The following TRDN variants were observed in gnomAD, a reference collection of about 807,000 sequenced individuals.
TRDN encodes the protein triadin in skeletal muscle.
In TRDN, 161 loss-of-function variants were observed where a neutral mutation model predicts 149.7. The ratio of observed to expected loss-of-function variants is 1.08; its 90% confidence interval spans 0.95 to 1.23. TRDN has a LOEUF of 1.23. TRDN is among the 50% of genes most tolerant of loss of function. The pLI is 0.00. For missense variants in TRDN, 896 were observed against 823.5 expected (o/e 1.09, Z -1.08); for synonymous variants, 294 against 250.5 (o/e 1.17, Z -1.64).
chr6:123,251,721 G>A (rs1225087135), intron 38 of TRDN, among the ~76,000 whole-genome samples: 1 of 151,654 alleles, frequency 6.6e-6, no homozygotes, highest in Non-Finnish European at 1.5e-5. Context: ...AGGATAAATT[G>A]TTATTTCCTT....
At chr6:123,481,568 G>T (rs985222704) in intron 9 of TRDN, among the ~76,000 whole-genome samples, 1 of 151,996 alleles carries the variant, frequency 6.6e-6, no homozygotes, top group Non-Finnish European at 1.5e-5. Context: ...AGTTGAAGAG[G>T]TTATAACCCA....
At chr6:123,317,051 C>T (rs184303813) in intron 23 of TRDN, among the ~76,000 whole-genome samples, 4 of 151,840 alleles carry the variant, frequency 2.6e-5, no homozygotes, top group East Asian at 3.9e-4. Context: ...ATCTTGTTCT[C>T]TTATTGTCCT....
At chr6:123,310,006 A>G (rs964794212) in intron 24 of TRDN, among the ~76,000 whole-genome samples, 3 of 152,036 alleles carry the variant, frequency 2.0e-5, no homozygotes, top group African/African-American at 7.2e-5. Context: ...TACATATGGT[A>G]CTACTGTAGT....
At chr6:123,402,167 C>T (rs1279847819) in intron 12 of TRDN, among the ~76,000 whole-genome samples, 3 of 152,154 alleles carry the variant, frequency 2.0e-5, no homozygotes, top group Non-Finnish European at 4.4e-5. Flanking sequence ...TGAGTTCCTA[C>T]ATAATGAACT....
intron 24 of TRDN, among the ~76,000 whole-genome samples, chr6:123,307,273 T>C (rs1475241603): frequency 6.6e-6 from 1 of 152,060 alleles, no homozygotes; most frequent in East Asian, 1.9e-4. Flanking sequence ...GGAAATTTTT[T>C]CTTCCTCTTA....
chr6:123,400,427 A>T lies in TRDN; in HGVS notation c.1052-6750T>A, dbSNP rs183889671. ...GATGGTTTTGAGATGAAACTGTTTC[A>T]CCTCAGATCGTCAGGCATTAGTTAG... is the stretch of plus-strand genomic sequence containing the variant. On this transcript the variant is annotated intron_variant, in intron 12 of 40. Transcript: ENST00000334268. Among the ~76,000 whole-genome samples, 323 of 152,038 alleles carry T rather than the reference A, an allele frequency of 2.1e-3. 2 individuals are homozygous for T. Among genetic ancestry groups the T allele is most frequent in the African/African-American group, 5.3e-3 (220 of 41,456 alleles).
intron 9 of TRDN, among the ~76,000 whole-genome samples, chr6:123,475,044 A>G (rs1777394495): frequency 6.6e-6 from 1 of 152,070 alleles, no homozygotes; most frequent in Admixed American, 6.5e-5. Context: ...AGAAGGCAAG[A>G]AATAACTAAA....
At chr6:123,609,475 A>C (rs1784686324) in intron 1 of TRDN, among the ~76,000 whole-genome samples, 1 of 152,176 alleles carries the variant, frequency 6.6e-6, no homozygotes, top group South Asian at 2.1e-4. Context: ...TTACTTTTAT[A>C]ACTCAAGCAT....
intron 9 of TRDN, among the ~76,000 whole-genome samples, chr6:123,465,791 G>GT (rs1776764623): frequency 6.6e-6 from 1 of 152,106 alleles, no homozygotes; most frequent in African/African-American, 2.4e-5. Context: ...TCTGCTGTGT[G>GT]TTTTTTATCC....
intron 9 of TRDN, among the ~76,000 whole-genome samples, chr6:123,486,964 A>C (rs998794006): frequency 1.3e-5 from 2 of 152,052 alleles, no homozygotes; most frequent in Non-Finnish European, 2.9e-5. Context: ...AACAAAGGCT[A>C]GGAGACATCA....
chr6:123,459,731 C>T (rs1006786274), intron 10 of TRDN, among the ~76,000 whole-genome samples: 11 of 152,276 alleles, frequency 7.2e-5, no homozygotes, highest in African/African-American at 2.6e-4. Context: ...TTCTTAATGC[C>T]ATTCAATTAA....
chr6:123,239,427 G>T (rs949802429), intron 38 of TRDN, among the ~76,000 whole-genome samples: 1 of 152,088 alleles, frequency 6.6e-6, no homozygotes, highest in Non-Finnish European at 1.5e-5. Flanking sequence ...CTATAGAATT[G>T]TGCTTTCAAC....
intron 38 of TRDN, among the ~76,000 whole-genome samples, chr6:123,232,415 C>G (rs918087289): frequency 1.2e-4 from 18 of 151,940 alleles, no homozygotes; most frequent in African/African-American, 4.3e-4. Flanking sequence ...GGCAGATATC[C>G]AAGCTGCATG....
chr6:123,598,414 A>G (rs1434543514), intron 1 of TRDN, among the ~76,000 whole-genome samples: 1 of 152,078 alleles, frequency 6.6e-6, no homozygotes, highest in Non-Finnish European at 1.5e-5. Context: ...CAAAAAAAAC[A>G]TGAAGTATCA....
intron 21 of TRDN, among the ~76,000 whole-genome samples, chr6:123,346,555 T>C (rs1268498584): frequency 6.6e-6 from 1 of 152,002 alleles, no homozygotes; most frequent in Non-Finnish European, 1.5e-5. Flanking sequence ...AAGCCGATGC[T>C]ATTTCAACAA....
chr6:123,508,386 G>T (rs1399866095), intron 7 of TRDN, among the ~76,000 whole-genome samples: 2 of 152,034 alleles, frequency 1.3e-5, no homozygotes. Flanking sequence ...GACATATAAG[G>T]GCAGATATAA....
At chr6:123,218,787 C>CA in intron 40 of TRDN, 47 bp from the exon 41 acceptor site, 1 of 1,532,306 alleles carries the variant, frequency 6.5e-7, no homozygotes. Context: ...AGAACATGAG[C>CA]AAAAAAGCAC....
At chr6:123,636,290 A>T (rs182014095) in intron 1 of TRDN, among the ~76,000 whole-genome samples, 3 of 152,026 alleles carry the variant, frequency 2.0e-5, no homozygotes, top group Non-Finnish European at 4.4e-5. Context: ...TAAGGTCTCC[A>T]TTTAAAAATA....
intron 23 of TRDN, among the ~76,000 whole-genome samples, chr6:123,327,760 A>T (rs1313046583): frequency 6.6e-6 from 1 of 152,146 alleles, no homozygotes; most frequent in African/African-American, 2.4e-5. Context: ...ATTTATGAAG[A>T]TGGCTTTTCT....
Sources: allele counts gnomAD v4.1 joint callset (sites outside exome capture counted in the v4.1 genomes callset), GRCh38; gene constraint gnomAD v4.1.1; transcripts MANE v1.5; gene names NCBI Gene and HGNC (gene_info 2026-07-23, HGNC 2026-07-21).